TDRD10: variants seen among roughly 807,000 people sequenced by gnomAD.
The protein encoded by TDRD10 is tudor domain containing 10, also known as tudor domain-containing protein 10.
A neutral mutation model predicts 48.0 loss-of-function variants in TDRD10; 40 were observed. The observed-to-expected ratio is 0.83, with a 90% CI of 0.65 to 1.09. The LOEUF is 1.09. Among genes scored for constraint, TDRD10 ranks in the 50% least tolerant of loss-of-function variants. TDRD10 has a pLI of 0.00. For missense variants in TDRD10, 378 were observed against 434.7 expected (o/e 0.87, Z 1.16); for synonymous variants, 162 against 170.4 (o/e 0.95, Z 0.38).
At chr1:154,513,839 A>G (rs1027785328) in intron 4 of TDRD10, among the ~76,000 whole-genome samples, 5 of 152,218 alleles carry the variant, frequency 3.3e-5, no homozygotes, top group African/African-American at 1.2e-4. Flanking sequence ...TGATTTCTAG[A>G]ACAATTCAGT....
At chr1:154,540,421 A>G (rs556786267) in intron 6 of TDRD10, among the ~76,000 whole-genome samples, 41 of 149,692 alleles carry the variant, frequency 2.7e-4, no homozygotes, top group African/African-American at 1.0e-3. Flanking sequence ...CTGGAATCCC[A>G]GCACTCTGGA....
In TDRD10 at chr1:154,547,665, CTT is replaced by C; in HGVS notation, c.1024-11_1024-10del. The C allele has an allele frequency of 4.3e-6, 7 of 1,614,166 alleles. No individual in the cohort carries two copies. The highest frequency in any genetic ancestry group is 5.9e-6 in the Non-Finnish European group (7 of 1,180,018). ...GCCTTCCTTCCCACCAAGGCTTTGT[CTT>C]TCTCTTCCAGTTGCACATCCTAAAG... On this transcript the variant is annotated splice_polypyrimidine_tract_variant and intron_variant, in intron 12 of 12. Coordinates refer to ENST00000368482, the MANE Select transcript of TDRD10 (RefSeq NM_182499.4).
At position 154,542,834 on chromosome 1, in the gene TDRD10, T is replaced by C; in HGVS notation, c.503+13T>C. 6.2e-7 allele frequency: 1 copy of C among 1,608,754 alleles called. No homozygotes were observed. Among genetic ancestry groups the C allele is most frequent in the Admixed American group, 1.7e-5 (1 of 59,908 alleles). On this transcript the variant is annotated intron_variant, in intron 8 of 12. Transcript: ENST00000368482. ...CGTTGGAAATGAGGTGAGCAAGGTATAGAAAGACCACCAGGGCAAATGGCG... is the reference window on the plus strand; with the variant it reads ...CGTTGGAAATGAGGTGAGCAAGGTACAGAAAGACCACCAGGGCAAATGGCG...
At chr1:154,507,344 T>C in intron 3 of TDRD10, 24 bp downstream of exon 3, 1 of 1,612,810 alleles carries the variant, frequency 6.2e-7, no homozygotes, top group Non-Finnish European at 8.5e-7. Flanking sequence ...GGGGATTCGC[T>C]GGTGCTGGGA....
At chr1:154,512,366 C>T (rs975134030) in intron 4 of TDRD10, among the ~76,000 whole-genome samples, 1 of 151,890 alleles carries the variant, frequency 6.6e-6, no homozygotes. Context: ...GTTTTTAAGA[C>T]GGAGTTTCAC....
chr1:154,544,974 C>T (rs367857151), intron 11 of TDRD10, 25 bp downstream of exon 11: 15 of 1,611,420 alleles, frequency 9.3e-6, no homozygotes, highest in Admixed American at 1.7e-5. Context: ...ATCTTCCTCC[C>T]AAGGGTTTCA....
chr1:154,541,142 C>T (rs1695205976), intron 6 of TDRD10, among the ~76,000 whole-genome samples: 1 of 152,030 alleles, frequency 6.6e-6, no homozygotes, highest in Non-Finnish European at 1.5e-5. Flanking sequence ...GGTGTCAGAG[C>T]CTGCTTGTTT....
intron 6 of TDRD10, among the ~76,000 whole-genome samples, chr1:154,527,558 C>G (rs781587435): frequency 6.6e-6 from 1 of 152,058 alleles, no homozygotes; most frequent in Non-Finnish European, 1.5e-5. Context: ...AATATCTTTA[C>G]GATCTCAGTG....
intron 4 of TDRD10, among the ~76,000 whole-genome samples, chr1:154,514,056 G>C (rs571540497): frequency 4.9e-4 from 74 of 152,290 alleles, no homozygotes; most frequent in Non-Finnish European, 7.6e-4. Flanking sequence ...CAGACACGGT[G>C]GCGGGTGCCT....
intron 6 of TDRD10, among the ~76,000 whole-genome samples, chr1:154,527,442 CTG>C (rs1263358419): frequency 6.6e-6 from 1 of 152,132 alleles, no homozygotes; most frequent in African/African-American, 2.4e-5. Context: ...ATGTAGAAAA[CTG>C]TGAAACTGTA....
chr1:154,544,096 A>T lies in TDRD10; in HGVS notation c.637A>T (p.Met213Leu). 1 of 1,614,110 alleles carries T rather than the reference A, an allele frequency of 6.2e-7. No homozygotes were observed. The highest frequency in any genetic ancestry group is 8.5e-7 in the Non-Finnish European group (1 of 1,180,016). The part of the protein sequence containing the change: ...IVPKTPFFWA[M>L]HVTEALHQNM... ...CCCGAAGACCCCGTTTTTCTGGGCT[A>T]TGCACGTCACTGAGGTATGGACTGG... The change falls in exon 9 of 13, where the codon ATG (methionine) becomes TTG (leucine). Residue 213 changes from methionine to leucine, a missense_variant. Physicochemically the swap from Met to Leu is conservative, Grantham distance 15. This residue lies in a region of TDRD10 where 310 missense variants were observed against 323.6 expected (regional missense o/e 0.96). Transcript: ENST00000368482.
At chr1:154,523,620 A>G (rs1015938303) in intron 6 of TDRD10, among the ~76,000 whole-genome samples, 3 of 152,152 alleles carry the variant, frequency 2.0e-5, no homozygotes, top group African/African-American at 7.2e-5. Flanking sequence ...TCATTATTCA[A>G]TATTCTCTTT....
Position 154,544,317 on chromosome 1 carries a change from G to A in TDRD10, c.652-55G>A, listed in dbSNP as rs545025177. On this transcript the variant is annotated intron_variant, in intron 9 of 12. Coordinates refer to ENST00000368482, the MANE Select transcript of TDRD10 (RefSeq NM_182499.4). The stretch of plus-strand genomic sequence containing the variant: ...TAACATAACAGGTGACGTCTACGGA[G>A]GCAGATTTGTAATGCAGTGCAGGCA... 1.8e-4 allele frequency: 273 copies of A among 1,551,618 alleles called. 2 individuals carry two copies. In the South Asian group the frequency reaches 3.0e-3, roughly 17 times the overall value.
intron 11 of TDRD10, 94 bp from the exon 12 acceptor site, chr1:154,547,315 C>T: frequency 7.2e-7 from 1 of 1,392,198 alleles, no homozygotes; most frequent in Non-Finnish European, 1.0e-6. Flanking sequence ...GGCCAGAGCA[C>T]TTTCCCTGCA....
intron 6 of TDRD10, among the ~76,000 whole-genome samples, chr1:154,523,112 A>G (rs779371242): frequency 3.9e-5 from 6 of 152,068 alleles, no homozygotes; most frequent in Non-Finnish European, 7.4e-5. Flanking sequence ...CACCACGTTG[A>G]CCAGGCTGAT....
At chr1:154,519,660 G>A (rs1170164980) in intron 4 of TDRD10, among the ~76,000 whole-genome samples, 2 of 152,140 alleles carry the variant, frequency 1.3e-5, no homozygotes, top group Middle Eastern at 3.2e-3. Context: ...AGGTGGAGAC[G>A]GCTCTTTCTA....
intron 1 of TDRD10, among the ~76,000 whole-genome samples, chr1:154,506,191 T>C (rs1378568823): frequency 4.6e-5 from 7 of 152,178 alleles, no homozygotes; most frequent in African/African-American, 1.7e-4. Flanking sequence ...AAAATCAAGG[T>C]TTCAACAAGG....
At chr1:154,543,812 C>T (rs1056972985) in intron 8 of TDRD10, 151 bp from the exon 9 acceptor site, 2 of 1,206,902 alleles carry the variant, frequency 1.7e-6, no homozygotes, top group African/African-American at 1.5e-5. Flanking sequence ...GCTTTAGCTC[C>T]CACCCTAGAG....
chr1:154,533,191 A>C (rs528242249), intron 6 of TDRD10, among the ~76,000 whole-genome samples: 1 of 152,288 alleles, frequency 6.6e-6, no homozygotes, highest in South Asian at 2.1e-4. Context: ...CCATGAGGGC[A>C]GAAGTCTGGG....
Sources: allele counts gnomAD v4.1 joint callset (sites outside exome capture counted in the v4.1 genomes callset), GRCh38; gene constraint gnomAD v4.1.1; regional missense constraint gnomAD v4.1.1; transcripts MANE v1.5; gene names NCBI Gene and HGNC (gene_info 2026-07-23, HGNC 2026-07-21).